DLG2: variants seen among roughly 807,000 people sequenced by gnomAD.
The protein encoded by DLG2 is discs large MAGUK scaffold protein 2.
Under a neutral mutation model 132.5 loss-of-function variants are expected in DLG2, and 45 were observed. The ratio of observed to expected loss-of-function variants is 0.34; its 90% CI spans 0.27 to 0.44. DLG2 has a LOEUF of 0.44. DLG2 is among the 20% of genes least tolerant of loss of function. The pLI, the probability that DLG2 is intolerant of heterozygous loss-of-function variation, is 1.00. For synonymous variants in DLG2, 424 were observed against 419.6 expected (o/e 1.01, Z -0.13); for missense variants, 1,045 against 1,196.9 (o/e 0.87, Z 1.87).
At chr11:85,144,972 G>C (rs1212259181) in intron 5 of DLG2, among the ~76,000 whole-genome samples, 1 of 152,030 alleles carries the variant, frequency 6.6e-6, no homozygotes, top group Non-Finnish European at 1.5e-5. Context: ...TTAGATTAAA[G>C]AACTCTCTTT....
intron 3 of DLG2, among the ~76,000 whole-genome samples, chr11:85,382,558 C>A (rs2085978289): frequency 6.6e-6 from 1 of 151,878 alleles, no homozygotes; most frequent in African/African-American, 2.4e-5. Context: ...AATCAAAAGG[C>A]AACCCACCGA....
At chr11:84,895,413 C>T (rs765432810) in intron 6 of DLG2, among the ~76,000 whole-genome samples, 5 of 152,084 alleles carry the variant, frequency 3.3e-5, no homozygotes, top group East Asian at 3.9e-4. Context: ...AAAAGACCAA[C>T]GCAAATGACT....
At chr11:83,694,666 A>G (rs2081569746) in intron 18 of DLG2, among the ~76,000 whole-genome samples, 1 of 152,164 alleles carries the variant, frequency 6.6e-6, no homozygotes. Context: ...AGTATGCTCT[A>G]TTTAAACCAG....
In DLG2 at chr11:84,267,350, G is replaced by C. The variant is rs548983061; in HGVS notation, c.520-16059C>G. 2.6e-5 allele frequency among the ~76,000 whole-genome samples: 4 copies of C among 152,324 alleles called. No homozygotes were observed. In the East Asian group the frequency reaches 7.7e-4, roughly 29 times the overall value. On this transcript the variant is annotated intron_variant, in intron 7 of 27. Coordinates refer to ENST00000376104, the MANE Select transcript of DLG2 (RefSeq NM_001142699.3). The stretch of plus-strand genomic sequence containing the variant: ...TTCTGGTTACTAGGCATAAGGAAAG[G>C]CTTGTGGAAGGGGATAGGAGTTAAG...
chr11:83,667,107 G>A (rs2075764039), intron 18 of DLG2, among the ~76,000 whole-genome samples: 1 of 152,116 alleles, frequency 6.6e-6, no homozygotes, highest in East Asian at 1.9e-4. Context: ...CCAAGACAAT[G>A]AAATATATAA....
intron 17 of DLG2, among the ~76,000 whole-genome samples, chr11:83,828,757 T>A (rs2053620605): frequency 6.6e-6 from 1 of 152,176 alleles, no homozygotes; most frequent in South Asian, 2.1e-4. Flanking sequence ...ACAGATACAG[T>A]CTTAAAGCAG....
intron 18 of DLG2, among the ~76,000 whole-genome samples, chr11:83,652,397 G>A (rs536231360): frequency 3.9e-5 from 6 of 152,310 alleles, no homozygotes; most frequent in South Asian, 4.1e-4. Context: ...TTGAGATGGA[G>A]TCTCGCTCTG....
intron 6 of DLG2, among the ~76,000 whole-genome samples, chr11:85,019,109 T>A (rs766840031): frequency 4.6e-5 from 7 of 152,324 alleles, no homozygotes; most frequent in African/African-American, 9.6e-5. Context: ...GGGAAGAAAC[T>A]ACTGAACTTA....
At chr11:84,190,801 T>C (rs781000492) in intron 8 of DLG2, among the ~76,000 whole-genome samples, 1 of 152,164 alleles carries the variant, frequency 6.6e-6, no homozygotes, top group African/African-American at 2.4e-5. Flanking sequence ...ACTTCCTTCC[T>C]CTTCCCTCAC....
intron 15 of DLG2, among the ~76,000 whole-genome samples, chr11:83,889,713 T>C (rs12278227): frequency 6.6e-6 from 1 of 151,992 alleles, no homozygotes; most frequent in Non-Finnish European, 1.5e-5. Context: ...CCAACCCAAA[T>C]GTCCAACAAT....
At chr11:84,177,900 G>A (rs2096012695) in intron 8 of DLG2, among the ~76,000 whole-genome samples, 1 of 151,946 alleles carries the variant, frequency 6.6e-6, no homozygotes, top group East Asian at 1.9e-4. Context: ...AGCAAATCCT[G>A]TCCCCAAAGA....
At chr11:83,593,622 T>C (rs1468816523) in intron 19 of DLG2, among the ~76,000 whole-genome samples, 1 of 149,326 alleles carries the variant, frequency 6.7e-6, no homozygotes, top group East Asian at 2.0e-4. Flanking sequence ...TGTGCACATG[T>C]ACCCTAAAAC....
chr11:85,151,777 T>G (rs2077269078), intron 5 of DLG2, among the ~76,000 whole-genome samples: 2 of 152,246 alleles, frequency 1.3e-5, no homozygotes, highest in Non-Finnish European at 2.9e-5. Flanking sequence ...CACACCATCT[T>G]GATTACTGTT....
At chr11:84,369,241 T>C (rs1253958037) in intron 7 of DLG2, among the ~76,000 whole-genome samples, 1 of 152,090 alleles carries the variant, frequency 6.6e-6, no homozygotes, top group African/African-American at 2.4e-5. Flanking sequence ...AGACTCCTTA[T>C]CCCAGCCACC....
chr11:85,045,531 G>A (rs1314118195), intron 6 of DLG2, among the ~76,000 whole-genome samples: 1 of 151,906 alleles, frequency 6.6e-6, no homozygotes, highest in South Asian at 2.1e-4. Flanking sequence ...TTAAAAGAGA[G>A]AGGTTGTAGG....
chr11:83,838,616 G>A (rs2056824435), intron 16 of DLG2, among the ~76,000 whole-genome samples: 2 of 152,154 alleles, frequency 1.3e-5, no homozygotes, highest in Admixed American at 1.3e-4. Flanking sequence ...AGGAAAATTT[G>A]CATGAAATAT....
At position 83,835,135 on chromosome 11, in the gene DLG2, T is replaced by C. The variant is rs112775204; in HGVS notation, c.1566-1365A>G. Among the ~76,000 whole-genome samples, 85 of 152,302 alleles carry C rather than the reference T, an allele frequency of 5.6e-4. 1 individual carries two copies. The highest frequency in any genetic ancestry group is 1.8e-3 in the African/African-American group (76 of 41,572). On this transcript the variant is annotated intron_variant, in intron 16 of 27. Coordinates refer to ENST00000376104, the MANE Select transcript of DLG2 (RefSeq NM_001142699.3). Reference sequence around the variant, plus strand: ...ACAATGCATTAAGTCAGAGGTAAAGTGACATAGAGTTAACTCATTTCATTC... The same window carrying C: ...ACAATGCATTAAGTCAGAGGTAAAGCGACATAGAGTTAACTCATTTCATTC...
chr11:84,341,453 A>G (rs906452262), intron 7 of DLG2, among the ~76,000 whole-genome samples: 2 of 152,230 alleles, frequency 1.3e-5, no homozygotes, highest in African/African-American at 2.4e-5. Context: ...CCTGTCAGAC[A>G]GGTGGGTCTT....
At chr11:84,461,678 T>C (rs548801513) in intron 7 of DLG2, among the ~76,000 whole-genome samples, 3 of 150,960 alleles carry the variant, frequency 2.0e-5, no homozygotes, top group Non-Finnish European at 4.5e-5. Flanking sequence ...TTAGAAGTAA[T>C]ATAAAGAGTG....
Sources: gnomAD v4.1 joint callset for allele counts (sites outside exome capture counted in the v4.1 genomes callset) on GRCh38, gnomAD v4.1.1 for gene constraint, MANE v1.5 for transcripts, NCBI Gene and HGNC (gene_info 2026-07-23, HGNC 2026-07-21) for gene names.